PCOLCE: variants seen among roughly 807,000 people sequenced by gnomAD.
The protein encoded by PCOLCE is procollagen C-endopeptidase enhancer 1.
In PCOLCE, 33 loss-of-function variants were observed where a neutral mutation model predicts 47.2. That is an observed-to-expected ratio of 0.70 (90% CI 0.53 to 0.93). The LOEUF is 0.93. PCOLCE is among the 40% of genes least tolerant of loss of function. The probability of loss-of-function intolerance (pLI) is 0.00; values close to 1 mark genes in which losing one functional copy is unlikely to be tolerated. For missense variants in PCOLCE, 584 were observed against 585.3 expected (o/e 1.00, Z 0.02); for synonymous variants, 254 against 252.5 (o/e 1.01, Z -0.06).
chr7:100,602,782 T>A (rs1802634604), intron 1 of PCOLCE: 1 of 565,810 alleles, frequency 1.8e-6, no homozygotes, highest in South Asian at 2.2e-5. Context: ...GTCTCTTAAG[T>A]CTCCCCACCC....
Position 100,602,507 on chromosome 7 carries a change from C to G in PCOLCE, c.51C>G (p.Cys17Trp), listed in dbSNP as rs140507217. ...TCCTGGGGCCCCTCCTCACTGCCTG[C>G]GCCCTGCTGCCTTTTGCCCAGGGCC... The part of the protein sequence containing the change: ...ASLLGPLLTA[C>W]ALLPFAQGQT... Residue 17 changes from cysteine (C) to tryptophan (W), a missense_variant, in exon 1 of 9, where the codon TGC (cysteine) becomes TGG (tryptophan). Transcript: ENST00000223061. 87 of 1,612,992 alleles carry G rather than the reference C, an allele frequency of 5.4e-5. No individual in the cohort carries two copies. The East Asian group carries it at 1.8e-3, about 34-fold the overall frequency.
In PCOLCE at chr7:100,608,126, T is replaced by C; in HGVS notation, c.*23T>C. 1.9e-6 allele frequency: 3 copies of C among 1,605,402 alleles called. No homozygotes were observed. The highest frequency in any genetic ancestry group is 8.5e-7 in the Non-Finnish European group (1 of 1,174,734). On this transcript the variant is annotated 3_prime_UTR_variant, in exon 9 of 9. Transcript: ENST00000223061. ...TGAGACGCAGGCCAGCCCCGGCCCCTAGCCCTCAGGCCTTCTTTCTTATCC... is the reference window on the plus strand; with the variant it reads ...TGAGACGCAGGCCAGCCCCGGCCCCCAGCCCTCAGGCCTTCTTTCTTATCC...
rs188377464 is a variant in PCOLCE, at chr7:100,603,526, C to G, written c.192C>G (p.Ile64Met). 41 of 1,581,444 alleles carry G rather than the reference C, an allele frequency of 2.6e-5. No homozygotes were observed. In the East Asian group the frequency reaches 8.8e-4, roughly 34 times the overall value. Residue 64 changes from isoleucine to methionine, a missense_variant, in exon 2 of 9, where the codon ATC becomes ATG. Coordinates refer to ENST00000223061, the MANE Select transcript of PCOLCE (RefSeq NM_002593.4). ...PNLYPPNKEC[I>M]WTITVPEGQT... ...TCTACCCCCCTAATAAGGAGTGCAT[C>G]TGGACCATAACGGTGAGAAACCCCT... is the stretch of plus-strand genomic sequence containing the variant.
At chr7:100,602,864 C>A in intron 1 of PCOLCE, 1 of 436,276 alleles carries the variant, frequency 2.3e-6, no homozygotes. Flanking sequence ...AGCTGGATTC[C>A]AGGAAGGAAT....
chr7:100,602,492 C>T lies in PCOLCE; in HGVS notation c.36C>T (p.Pro12=). Residue 12 remains proline, a synonymous_variant, in exon 1 of 9, where the codon CCC becomes CCT. Transcript: ENST00000223061. ...LPAATASLLG[P]LLTACALLPF... ...CAGCCACAGCCTCCCTCCTGGGGCCCCTCCTCACTGCCTGCGCCCTGCTGC... is the reference window on the plus strand; with the variant it reads ...CAGCCACAGCCTCCCTCCTGGGGCCTCTCCTCACTGCCTGCGCCCTGCTGC... 1.2e-6 allele frequency: 2 copies of T among 1,613,078 alleles called. No homozygotes were observed. The highest frequency in any genetic ancestry group is 1.7e-6 in the Non-Finnish European group (2 of 1,179,862).
At chr7:100,603,393 G>A in intron 1 of PCOLCE, 37 bp from the exon 2 acceptor site, 1 of 601,746 alleles carries the variant, frequency 1.7e-6, no homozygotes, top group East Asian at 5.4e-5. Context: ...CGTCCCACCC[G>A]TCCCTGCTCT....
At chr7:100,603,393 G>GCACCACCT in intron 1 of PCOLCE, 37 bp from the exon 2 acceptor site, 1 of 601,748 alleles carries the variant, frequency 1.7e-6, no homozygotes, top group Non-Finnish European at 2.9e-6. Flanking sequence ...CGTCCCACCC[G>GCACCACCT]TCCCTGCTCT....
chr7:100,607,571 TTC>T, intron 7 of PCOLCE, 48 bp downstream of exon 7: 1 of 1,610,074 alleles, frequency 6.2e-7, no homozygotes, highest in East Asian at 2.2e-5. Flanking sequence ...CACCTCCTGC[TTC>T]TGTTTCCAGT....
Position 100,606,555 on chromosome 7 carries a change from G to A in PCOLCE, c.865G>A (p.Gly289Arg), listed in dbSNP as rs375368034. Reference protein sequence around the residue: ...KEGQGPGPKRGTEPKVKLPPK... With the variant: ...KEGQGPGPKRRTEPKVKLPPK... ...AGGGCAAGGGCCCGGCCCCAAACGG[G>A]GAACTGAGCCTAAAGTCAAGCTGCC... is the stretch of plus-strand genomic sequence containing the variant. Residue 289 changes from glycine to arginine, a missense_variant, in exon 6 of 9, where the codon GGA becomes AGA. Gly to Arg is a moderately radical substitution (Grantham distance 125, BLOSUM62 -2). Transcript: ENST00000223061. The A allele has an allele frequency of 8.0e-5, 129 of 1,614,186 alleles. No individual in the cohort carries two copies. The South Asian group carries it at 1.3e-3, about 16-fold the overall frequency.
Position 100,602,536 on chromosome 7 carries a change from C to T in PCOLCE, c.80C>T (p.Thr27Ile). The T allele has an allele frequency of 4.4e-6, 7 of 1,604,944 alleles. No individual in the cohort carries two copies. The highest frequency in any genetic ancestry group is 6.0e-6 in the Non-Finnish European group (7 of 1,172,284). ...CALLPFAQGQ[T>I]PNYTRPVFLC... ...CTGCTGCCTTTTGCCCAGGGCCAGA[C>T]CCCCAACTACACCAGGTAGGTCTCT... Residue 27 changes from threonine (T) to isoleucine (I), a missense_variant, in exon 1 of 9, where the codon ACC (threonine) becomes ATC (isoleucine). Thr to Ile is a moderately conservative substitution (Grantham distance 89). Transcript: ENST00000223061.
intron 1 of PCOLCE, 102 bp downstream of exon 1, chr7:100,602,653 C>A: frequency 2.6e-6 from 2 of 762,186 alleles, no homozygotes; most frequent in Non-Finnish European, 4.7e-6. Context: ...GCTGACACAC[C>A]ACTCCCCAGA....
rs1223845044 is a variant in PCOLCE, at chr7:100,605,796, G to C, written c.709G>C (p.Gly237Arg). The change falls in exon 5 of 9, where the codon GGC becomes CGC. Residue 237 changes from glycine to arginine, a missense_variant. By Grantham distance (125) the Gly-to-Arg change is moderately radical (BLOSUM62 -2). Coordinates refer to ENST00000223061, the MANE Select transcript of PCOLCE (RefSeq NM_002593.4). The surrounding 1 kb of genome is among the most constrained non-coding windows in gnomAD (Gnocchi z 6.1). ...DDSRRLGKFC[G>R]DAVPGSISSE... is the part of the protein sequence containing the mutation. ...CTCCCGGAGGCTGGGGAAGTTCTGC[G>C]GCGACGCAGTCCCGGGGTGAGGGGC... 5.8e-6 allele frequency: 9 copies of C among 1,553,154 alleles called. No individual in the cohort carries two copies. The African/African-American group carries it at 8.2e-5, about 14-fold the overall frequency.
At position 100,606,353 on chromosome 7, in the gene PCOLCE, C is replaced by T. The variant is rs966437496; in HGVS notation, c.726-63C>T. 3.4e-6 allele frequency: 4 copies of T among 1,191,170 alleles called. No homozygotes were observed. The African/African-American group carries it at 6.0e-5, about 18-fold the overall frequency. 73.8% of individuals were successfully genotyped at this position (1,191,170 alleles called of 1,614,324 possible). A position where few individuals can be genotyped will look rare whatever the true frequency, so the allele number is the denominator to read the frequency against. The stretch of plus-strand genomic sequence containing the variant: ...CAAACAAACAAAAAAGGTCATGGGG[C>T]TGAGAAGAGTGTGGTGCACGCCCGC... On this transcript the variant is annotated intron_variant, in intron 5 of 8. Transcript: ENST00000223061.
chr7:100,603,910 T>C lies in PCOLCE; in HGVS notation c.205-49T>C, dbSNP rs375722915. 69 of 1,582,760 alleles carry C rather than the reference T, an allele frequency of 4.4e-5. No individual in the cohort carries two copies. In the African/African-American group the frequency reaches 9.0e-4, roughly 21 times the overall value. On this transcript the variant is annotated intron_variant, in intron 2 of 8. Coordinates refer to ENST00000223061, the MANE Select transcript of PCOLCE (RefSeq NM_002593.4). ...GCAGGGGAGCTGCCCTCTGGCTGGG[T>C]TGTGTGGGGCCTGACTCTGTGGGTC...
rs761381126 is a variant in PCOLCE at position 100,603,948 on chromosome 7, C to T, written c.205-11C>T. The T allele has an allele frequency of 4.4e-6, 7 of 1,599,106 alleles. No homozygotes were observed. Among genetic ancestry groups the T allele is most frequent in the Non-Finnish European group, 5.9e-6 (7 of 1,178,888 alleles). On this transcript the variant is annotated splice_polypyrimidine_tract_variant and intron_variant, in intron 2 of 8. Coordinates refer to ENST00000223061, the MANE Select transcript of PCOLCE (RefSeq NM_002593.4). ...GACTCTGTGGGTCCCCGCCTCTGTCCCCGCTATCAGGTCCCCGAGGGCCAG... is the reference window on the plus strand; with the variant it reads ...GACTCTGTGGGTCCCCGCCTCTGTCTCCGCTATCAGGTCCCCGAGGGCCAG...
At chr7:100,603,839 TG>T in intron 2 of PCOLCE, 119 bp from the exon 3 acceptor site, 1 of 1,164,226 alleles carries the variant, frequency 8.6e-7, no homozygotes. Context: ...TGCACTCACA[TG>T]GAGGCCCCTT....
In PCOLCE at chr7:100,607,879, G is replaced by C; in HGVS notation, c.1184-58G>C. ...AGAAATGATCAAGGTGTGGAATCTT[G>C]AGACCTGCTGACAGGTCTCAAGAAT... On this transcript the variant is annotated intron_variant, in intron 8 of 8. Transcript: ENST00000223061. 1.9e-6 allele frequency: 3 copies of C among 1,611,972 alleles called. No individual in the cohort carries two copies. The East Asian group carries it at 6.7e-5, about 36-fold the overall frequency.
In PCOLCE at chr7:100,602,496, C is replaced by T. The variant is rs1424432670; in HGVS notation, c.40C>T (p.Leu14Phe). Residue 14 changes from leucine to phenylalanine, a missense_variant, in exon 1 of 9, where the codon CTC becomes TTC. Leu to Phe is a conservative substitution (Grantham distance 22). Transcript: ENST00000223061. ...CACAGCCTCCCTCCTGGGGCCCCTC[C>T]TCACTGCCTGCGCCCTGCTGCCTTT... is the stretch of plus-strand genomic sequence containing the variant. ...AATASLLGPL[L>F]TACALLPFAQ... is the part of the protein sequence containing the mutation. 1 of 1,613,108 alleles carries T rather than the reference C, an allele frequency of 6.2e-7. No individual in the cohort carries two copies. Among genetic ancestry groups the T allele is most frequent in the African/African-American group, 1.3e-5 (1 of 74,930 alleles).
Position 100,604,035 on chromosome 7 carries a change from C to T in PCOLCE, c.281C>T (p.Ala94Val). The stretch of plus-strand genomic sequence containing the variant: ...CTGCACCCCGCCTGCCGCTACGATG[C>T]TCTGGAGGTCTTCGCTGGGTCTGGG... Reference protein sequence around the residue: ...LELHPACRYDALEVFAGSGTS... With the variant: ...LELHPACRYDVLEVFAGSGTS... The change falls in exon 3 of 9, where the codon GCT becomes GTT. Residue 94 changes from alanine (A) to valine (V), a missense_variant. Coordinates refer to ENST00000223061, the MANE Select transcript of PCOLCE (RefSeq NM_002593.4). The surrounding 1 kb of genome is among the most constrained non-coding windows in gnomAD (Gnocchi z 6.4). 3.7e-6 allele frequency: 6 copies of T among 1,607,274 alleles called. No homozygotes were observed. The highest frequency in any genetic ancestry group is 5.1e-6 in the Non-Finnish European group (6 of 1,179,986).
Sources: gnomAD v4.1 joint callset for allele counts on GRCh38, gnomAD v4.1.1 for gene constraint, Gnocchi (gnomAD v3.1) non-coding constraint, MANE v1.5 for transcripts, NCBI Gene and HGNC (gene_info 2026-07-23, HGNC 2026-07-21) for gene names.